The following NCKAP5 variants were observed in gnomAD, a reference collection of about 807,000 sequenced individuals.
NCKAP5 encodes nck-associated protein 5.
Under a neutral mutation model 167.0 loss-of-function variants are expected in NCKAP5, and 92 were observed. The ratio of observed to expected loss-of-function variants is 0.55; its 90% CI spans 0.47 to 0.66. The LOEUF is 0.66. Among genes scored for constraint, NCKAP5 ranks in the 30% least tolerant of loss-of-function variants. The probability of loss-of-function intolerance (pLI) is 0.00; values close to 1 mark genes in which losing one functional copy is unlikely to be tolerated. For synonymous variants in NCKAP5, 891 were observed against 877.4 expected (o/e 1.02, Z -0.27); for missense variants, 2,378 against 2,315.0 (o/e 1.03, Z -0.56).
chr2:133,552,624 T>C (rs1307408180), intron 2 of NCKAP5, among the ~76,000 whole-genome samples: 14 of 136,294 alleles, frequency 1.0e-4, no homozygotes, highest in African/African-American at 2.5e-4. Context: ...ATGGATAGCA[T>C]TGGGAGATAT....
chr2:133,318,923 T>G (rs1681816842), intron 3 of NCKAP5, among the ~76,000 whole-genome samples: 1 of 152,160 alleles, frequency 6.6e-6, no homozygotes, highest in South Asian at 2.1e-4. Flanking sequence ...TCTCCCACTA[T>G]GGACACAGAC....
At chr2:133,359,541 G>A (rs1684959579) in intron 3 of NCKAP5, among the ~76,000 whole-genome samples, 1 of 152,220 alleles carries the variant, frequency 6.6e-6, no homozygotes, top group Admixed American at 6.5e-5. Context: ...ATAACCAACT[G>A]CATATATTTG....
At chr2:133,354,254 C>CTT (rs57923596) in intron 3 of NCKAP5, among the ~76,000 whole-genome samples, 35,080 of 142,508 alleles carry the variant, frequency 0.25, 4,355 homozygotes, top group African/African-American at 0.28. Flanking sequence ...GATTAGTTCT[C>CTT]TTTTTTTTTT....
At chr2:132,910,769 G>C (rs935594671) in intron 8 of NCKAP5, among the ~76,000 whole-genome samples, 1 of 152,028 alleles carries the variant, frequency 6.6e-6, no homozygotes, top group African/African-American at 2.4e-5. Flanking sequence ...TTTAATTACT[G>C]TTTTAGAAAC....
intron 11 of NCKAP5, among the ~76,000 whole-genome samples, chr2:132,830,020 C>T (rs1687406798): frequency 6.6e-6 from 1 of 152,150 alleles, no homozygotes; most frequent in South Asian, 2.1e-4. Context: ...GATCCTGCCA[C>T]AGTCTGAAAC....
intron 6 of NCKAP5, among the ~76,000 whole-genome samples, chr2:132,998,816 C>T (rs945584506): frequency 6.6e-6 from 1 of 152,140 alleles, no homozygotes; most frequent in Non-Finnish European, 1.5e-5. Flanking sequence ...AAGCCAATTC[C>T]TCCCTCTCCC....
intron 15 of NCKAP5, 138 bp from the exon 16 acceptor site, chr2:132,774,032 G>A (rs903676044): frequency 6.4e-6 from 4 of 627,016 alleles, no homozygotes; most frequent in Non-Finnish European, 1.1e-5. Flanking sequence ...ACATGTGTGA[G>A]TATGTATGTA....
intron 6 of NCKAP5, among the ~76,000 whole-genome samples, chr2:133,006,873 G>A (rs1321056464): frequency 6.6e-6 from 1 of 152,174 alleles, no homozygotes; most frequent in Non-Finnish European, 1.5e-5. Context: ...AGAATCCACA[G>A]TACTGGCCCA....
At chr2:132,818,140 G>A (rs1686426149) in intron 11 of NCKAP5, among the ~76,000 whole-genome samples, 1 of 152,120 alleles carries the variant, frequency 6.6e-6, no homozygotes, top group Admixed American at 6.5e-5. Context: ...TAGAGATGCG[G>A]TTTCGCCATG....
chr2:133,541,284 T>C (rs975805079), intron 2 of NCKAP5, among the ~76,000 whole-genome samples: 14 of 151,954 alleles, frequency 9.2e-5, no homozygotes, highest in Non-Finnish European at 2.9e-5. Flanking sequence ...TATAATATGA[T>C]AAATTTAAAA....
the NCKAP5 span, among the ~76,000 whole-genome samples, chr2:133,645,916 A>T: frequency 6.6e-6 from 1 of 151,926 alleles, no homozygotes; most frequent in Non-Finnish European, 1.5e-5. Context: ...TTTGGTTCTT[A>T]AGGCATCAAA....
Position 133,265,456 on chromosome 2 carries a change from G to C in NCKAP5, c.143+37581C>G, listed in dbSNP as rs1574540668. 3.9e-5 allele frequency among the ~76,000 whole-genome samples: 6 copies of C among 152,312 alleles called. No homozygotes were observed. The South Asian group carries it at 1.2e-3, about 32-fold the overall frequency. On this transcript the variant is annotated intron_variant, in intron 4 of 19. Transcript: ENST00000409261. ...GGCCTGCCACCCGGGAGGTCCCTAG[G>C]ACTCAGCAGCAGAGAGGGCCTTGCA...
In NCKAP5 at chr2:132,796,652, CTG is replaced by C; in HGVS notation, c.883_884del (p.Gln295ValfsTer4). 4 of 1,613,260 alleles carry C rather than the reference CTG, an allele frequency of 2.5e-6. No individual in the cohort carries two copies. The highest frequency in any genetic ancestry group is 3.4e-6 in the Non-Finnish European group (4 of 1,179,592). ...SEVERNRSLT[Q>X]SRTDAEVHEH... ...CGTGCACCTCAGCATCAGTTCGTGA[CTG>C]TGTCAGACTTCGGTTTCTTTCCACC... On this transcript the variant is annotated frameshift_variant, in exon 12 of 20. Coordinates refer to ENST00000409261, the MANE Select transcript of NCKAP5 (RefSeq NM_207363.3). LOFTEE classifies it high-confidence loss of function.
chr2:133,128,608 TTG>T lies in NCKAP5; in HGVS notation c.341+1368_341+1369del, dbSNP rs1434715073. ...GATCTCTCTCTCTCTCTTTTTTTTT[TTG>T]TTTTTGTAATGGAATCTTGCTTTGT... On this transcript the variant is annotated intron_variant, in intron 6 of 19. Transcript: ENST00000409261. Among the ~76,000 whole-genome samples the T allele has an allele frequency of 2.0e-3, 297 of 152,110 alleles. 3 individuals carry two copies. The highest frequency in any genetic ancestry group is 7.0e-3 in the African/African-American group (288 of 41,402).
chr2:132,738,910 C>A (rs1287212637), intron 16 of NCKAP5, among the ~76,000 whole-genome samples: 2 of 152,078 alleles, frequency 1.3e-5, no homozygotes, highest in Non-Finnish European at 2.9e-5. Flanking sequence ...ATAAGGGATC[C>A]ACTCCCATGA....
At chr2:133,509,621 G>A (rs1007345260) in intron 3 of NCKAP5, among the ~76,000 whole-genome samples, 12 of 152,202 alleles carry the variant, frequency 7.9e-5, no homozygotes, top group African/African-American at 2.9e-4. Flanking sequence ...CATGGCCCAT[G>A]CCCTCAGGAA....
Position 132,785,099 on chromosome 2 carries a change from C to A in NCKAP5, c.1712G>T (p.Gly571Val), listed in dbSNP as rs1221550790. Residue 571 changes from glycine to valine, a missense_variant, in exon 14 of 20, where the codon GGC (glycine) becomes GTC (valine). Physicochemically the swap from Gly to Val is moderately radical, Grantham distance 109 (BLOSUM62 -3). Around this residue, in one of 3 missense-constraint regions of NCKAP5, gnomAD observed 1,049 missense variants for 1,023.4 expected, o/e 1.02. Coordinates refer to ENST00000409261, the MANE Select transcript of NCKAP5 (RefSeq NM_207363.3). The stretch of plus-strand genomic sequence containing the variant: ...AAGCTGGAGGTTGAGAGCCATGCGG[C>A]CATGGCCTTGGCCCTGTGGGCCCCT... ...RERGPQGQGH[G>V]RMALNLQLSD... 1 of 1,614,074 alleles carries A rather than the reference C, an allele frequency of 6.2e-7. No individual in the cohort carries two copies. The highest frequency in any genetic ancestry group is 2.2e-5 in the East Asian group (1 of 44,888).
chr2:133,591,111 A>G, the NCKAP5 span, among the ~76,000 whole-genome samples: 4 of 152,176 alleles, frequency 2.6e-5, no homozygotes, highest in Admixed American at 6.5e-5. Flanking sequence ...AGAAGCTGTA[A>G]TTAAGCCAGG....
chr2:133,115,933 A>T (rs1397966929), intron 6 of NCKAP5, among the ~76,000 whole-genome samples: 1 of 151,186 alleles, frequency 6.6e-6, no homozygotes, highest in Non-Finnish European at 1.5e-5. Context: ...TGAAATATTG[A>T]AAATGAGGAA....
Sources: allele counts gnomAD v4.1 joint callset (sites outside exome capture counted in the v4.1 genomes callset), GRCh38; gene constraint gnomAD v4.1.1; regional missense constraint gnomAD v4.1.1; transcripts MANE v1.5; gene names NCBI Gene and HGNC (gene_info 2026-07-23, HGNC 2026-07-21).